TMEM131L: variants seen among roughly 807,000 people sequenced by gnomAD.
TMEM131L encodes the protein transmembrane protein 131-like.
TMEM131L carries 54 observed loss-of-function variants against 192.2 expected under a neutral mutation model. That is an observed-to-expected ratio of 0.28 (90% CI 0.23 to 0.35). The LOEUF (loss-of-function observed/expected upper bound fraction) is 0.35, where lower values mean the gene tolerates loss of function less well. Among genes scored for constraint, TMEM131L ranks in the 10% least tolerant of loss-of-function variants. TMEM131L has a pLI of 1.00. For missense variants in TMEM131L, 1,888 were observed against 1,972.9 expected (o/e 0.96, Z 0.82); for synonymous variants, 701 against 704.9 (o/e 0.99, Z 0.09).
intron 3 of TMEM131L, among the ~76,000 whole-genome samples, chr4:153,497,632 C>T: frequency 6.6e-6 from 1 of 152,074 alleles, no homozygotes; most frequent in South Asian, 2.1e-4. Flanking sequence ...AAGCGTTTTC[C>T]ATGTTGGAGG....
At position 153,555,347 on chromosome 4, in the gene TMEM131L, G is replaced by A. The variant is rs754196; in HGVS notation, c.309-440G>A. On this transcript the variant is annotated intron_variant, in intron 4 of 34. Transcript: ENST00000409959. This position sits in a 1 kb window ranked among gnomAD's most constrained non-coding sequence, Gnocchi z 4.1. ...CAGTTTCTTACCTAAACATATTTTC[G>A]TTTGTTTCAATATTTTCGAATGAAT... Among the ~76,000 whole-genome samples, 68,381 of 152,018 alleles carry A rather than the reference G, an allele frequency of 0.45. 20,009 individuals carry two copies. The highest frequency in any genetic ancestry group is 0.83 in the African/African-American group (34,579 of 41,486).
intron 4 of TMEM131L, among the ~76,000 whole-genome samples, chr4:153,552,836 A>G (rs946989763): frequency 2.6e-5 from 4 of 152,184 alleles, no homozygotes; most frequent in African/African-American, 9.7e-5. Flanking sequence ...CTTGTCTCAA[A>G]AAAACAAAAA....
chr4:153,616,789 T>A (rs908406214), intron 26 of TMEM131L, among the ~76,000 whole-genome samples: 11 of 152,182 alleles, frequency 7.2e-5, no homozygotes, highest in Non-Finnish European at 1.3e-4. Context: ...ATAACTAAAT[T>A]TTCTATAAAA....
chr4:153,541,031 G>T (rs1286035335), intron 3 of TMEM131L, among the ~76,000 whole-genome samples: 1 of 152,182 alleles, frequency 6.6e-6, no homozygotes, highest in African/African-American at 2.4e-5. Flanking sequence ...TTTGTATTTT[G>T]CAGATGTTAT....
chr4:153,584,098 GTGTT>G (rs1730545561), intron 11 of TMEM131L, among the ~76,000 whole-genome samples: 1 of 152,226 alleles, frequency 6.6e-6, no homozygotes, highest in Admixed American at 6.5e-5. Flanking sequence ...TAAGAAATGT[GTGTT>G]TGTTAGGACA....
At chr4:153,480,430 G>A (rs2196222) in intron 3 of TMEM131L, among the ~76,000 whole-genome samples, 9,986 of 146,310 alleles carry the variant, frequency 0.068, 664 homozygotes, top group East Asian at 0.24. Flanking sequence ...TGAGGCAGGA[G>A]AAGTGCTTGA....
chr4:153,574,576 C>T (rs549499432), intron 7 of TMEM131L, among the ~76,000 whole-genome samples: 2 of 152,200 alleles, frequency 1.3e-5, no homozygotes, highest in South Asian at 4.2e-4. Context: ...AATCAGTGTT[C>T]CAGATGCATA....
At chr4:153,578,961 C>T (rs1254300319) in intron 7 of TMEM131L, among the ~76,000 whole-genome samples, 1 of 152,082 alleles carries the variant, frequency 6.6e-6, no homozygotes, top group Non-Finnish European at 1.5e-5. Flanking sequence ...CCCAGCCTAA[C>T]AAGTCTCTTT....
At position 153,620,438 on chromosome 4, in the gene TMEM131L, A is replaced by G. The variant is rs150991204; in HGVS notation, c.3568-318A>G. Among the ~76,000 whole-genome samples the G allele has an allele frequency of 1.7e-3, 254 of 152,356 alleles. 3 individuals are homozygous for G. The highest frequency in any genetic ancestry group is 5.9e-3 in the African/African-American group (247 of 41,568). On this transcript the variant is annotated intron_variant, in intron 26 of 34. Transcript: ENST00000409959. Reference sequence around the variant, plus strand: ...AATTTATGTGAGTTGCACATACCAAATTAACAGGTGAAGGTTGGAGGATTT... The same window carrying G: ...AATTTATGTGAGTTGCACATACCAAGTTAACAGGTGAAGGTTGGAGGATTT...
At chr4:153,593,187 C>T (rs1731190791) in intron 18 of TMEM131L, among the ~76,000 whole-genome samples, 1 of 152,184 alleles carries the variant, frequency 6.6e-6, no homozygotes, top group African/African-American at 2.4e-5. Flanking sequence ...ATCTTATTTT[C>T]ACACAATCAC....
intron 3 of TMEM131L, among the ~76,000 whole-genome samples, chr4:153,536,749 A>G (rs1306539416): frequency 1.6e-5 from 2 of 126,222 alleles, no homozygotes; most frequent in African/African-American, 6.0e-5. Context: ...CCTTCTATGT[A>G]TATATATAAA....
intron 3 of TMEM131L, among the ~76,000 whole-genome samples, chr4:153,482,189 C>A (rs1005995370): frequency 2.0e-5 from 3 of 152,004 alleles, no homozygotes; most frequent in African/African-American, 4.8e-5. Flanking sequence ...TTGTTTTTTT[C>A]TTAAAGAGGA....
At chr4:153,506,384 T>G (rs1580094906) in intron 3 of TMEM131L, among the ~76,000 whole-genome samples, 1 of 152,240 alleles carries the variant, frequency 6.6e-6, no homozygotes, top group East Asian at 1.9e-4. Context: ...TTTTAGGGAG[T>G]GACAGCCAAG....
At chr4:153,572,113 T>A (rs776718988) in intron 7 of TMEM131L, among the ~76,000 whole-genome samples, 8 of 152,206 alleles carry the variant, frequency 5.3e-5, no homozygotes, top group African/African-American at 9.7e-5. Context: ...GTTTTGATAC[T>A]GTATACAATG....
intron 26 of TMEM131L, among the ~76,000 whole-genome samples, chr4:153,616,470 T>C (rs541784204): frequency 6.6e-6 from 1 of 152,350 alleles, no homozygotes; most frequent in African/African-American, 2.4e-5. Context: ...ATTGTATAAA[T>C]CTGTCTGTAT....
intron 7 of TMEM131L, among the ~76,000 whole-genome samples, chr4:153,566,367 C>A (rs553885744): frequency 6.6e-6 from 1 of 152,210 alleles, no homozygotes; most frequent in African/African-American, 2.4e-5. Flanking sequence ...GATCTCCTGA[C>A]CTCGTGATCC....
At chr4:153,540,700 A>G (rs1268132780) in intron 3 of TMEM131L, among the ~76,000 whole-genome samples, 1 of 152,252 alleles carries the variant, frequency 6.6e-6, no homozygotes, top group African/African-American at 2.4e-5. Flanking sequence ...TTAAAGTGTT[A>G]TAGATGAGCT....
At chr4:153,625,092 T>A (rs755102372) in intron 29 of TMEM131L, among the ~76,000 whole-genome samples, 13 of 152,164 alleles carry the variant, frequency 8.5e-5, no homozygotes, top group Admixed American at 3.9e-4. Flanking sequence ...AGACTGAAGG[T>A]TTGCCTGATG....
intron 3 of TMEM131L, among the ~76,000 whole-genome samples, chr4:153,475,002 T>C (rs1731429835): frequency 6.6e-6 from 1 of 152,178 alleles, no homozygotes; most frequent in African/African-American, 2.4e-5. Context: ...CCCCAGGGTG[T>C]AGGTATCTCC....
Sources: allele counts gnomAD v4.1 joint callset (sites outside exome capture counted in the v4.1 genomes callset), GRCh38; gene constraint gnomAD v4.1.1; non-coding constraint Gnocchi (gnomAD v3.1); transcripts MANE v1.5; gene names NCBI Gene and HGNC (gene_info 2026-07-23, HGNC 2026-07-21).